PIGL: variants seen among roughly 807,000 people sequenced by gnomAD.
The protein encoded by PIGL is N-acetylglucosaminyl-phosphatidylinositol de-N-acetylase.
PIGL carries 22 observed loss-of-function variants against 31.1 expected under a neutral mutation model. The observed-to-expected ratio is 0.71, with a 90% CI of 0.51 to 1.01. The LOEUF (loss-of-function observed/expected upper bound fraction) is 1.01. Ranked by LOEUF, PIGL falls within the 50% of genes least tolerant of loss-of-function variation. The pLI is 0.00. For synonymous variants in PIGL, 131 were observed against 117.4 expected (o/e 1.12, Z -0.75); for missense variants, 302 against 315.9 (o/e 0.96, Z 0.33).
intron 2 of PIGL, among the ~76,000 whole-genome samples, chr17:16,258,219 G>A (rs1330639969): frequency 2.2e-5 from 3 of 134,694 alleles, no homozygotes; most frequent in East Asian, 4.3e-4. Context: ...TTGCTCTGTC[G>A]CCCAGGCTGG....
chr17:16,291,545 A>AT (rs1207108370), intron 2 of PIGL, among the ~76,000 whole-genome samples: 1 of 145,338 alleles, frequency 6.9e-6, no homozygotes, highest in African/African-American at 2.6e-5. Context: ...AATTATATGG[A>AT]TTTTTCAGGG....
chr17:16,275,939 A>G (rs1264483599), intron 2 of PIGL, among the ~76,000 whole-genome samples: 2 of 152,110 alleles, frequency 1.3e-5, no homozygotes, highest in African/African-American at 4.8e-5. Flanking sequence ...CAGGAGAATC[A>G]TTTGAACCCA....
rs772851926 is a variant in PIGL at position 16,317,924 on chromosome 17, T to G, written c.660+16T>G. 26 of 1,602,000 alleles carry G rather than the reference T, an allele frequency of 1.6e-5. No individual in the cohort carries two copies. The highest frequency in any genetic ancestry group is 2.0e-5 in the Non-Finnish European group (24 of 1,177,236). On this transcript the variant is annotated intron_variant, in intron 6 of 6. Coordinates refer to ENST00000225609, the MANE Select transcript of PIGL (RefSeq NM_004278.4). ...ACAGGCCAAGGTGAGGATTGTAAAT[T>G]CCTGGACACCCCAACTCAGATCCCT...
intron 2 of PIGL, among the ~76,000 whole-genome samples, chr17:16,276,695 C>T (rs2092897251): frequency 6.6e-6 from 1 of 152,244 alleles, no homozygotes; most frequent in African/African-American, 2.4e-5. Context: ...CACAATTGTG[C>T]CACTGCACTC....
chr17:16,312,803 C>G (rs992900093), intron 3 of PIGL: 4 of 157,038 alleles, frequency 2.5e-5, no homozygotes, highest in Admixed American at 6.5e-5. Context: ...CGCCTGCAAT[C>G]GCAGGCACTC....
intron 2 of PIGL, among the ~76,000 whole-genome samples, chr17:16,260,774 T>C (rs942510692): frequency 2.0e-5 from 3 of 152,124 alleles, no homozygotes; most frequent in African/African-American, 7.2e-5. Context: ...GTGTACTTCA[T>C]TCTTCCTGGA....
intron 2 of PIGL, among the ~76,000 whole-genome samples, chr17:16,283,549 C>T (rs974079675): frequency 2.6e-5 from 4 of 152,036 alleles, no homozygotes; most frequent in Non-Finnish European, 4.4e-5. Flanking sequence ...GGCCAGGTGC[C>T]GTGGCTCACA....
intron 5 of PIGL, chr17:16,316,962 T>C: frequency 3.1e-6 from 4 of 1,288,618 alleles, no homozygotes; most frequent in Non-Finnish European, 4.0e-6. Flanking sequence ...TCTAGCTTTT[T>C]CACAGGGTGG....
intron 2 of PIGL, among the ~76,000 whole-genome samples, chr17:16,238,195 CAAAAA>C (rs529480311): frequency 3.5e-5 from 2 of 57,554 alleles, no homozygotes; most frequent in African/African-American, 6.4e-5. Flanking sequence ...GACTCCGTCT[CAAAAA>C]AAAAAAAAAA....
rs373859557 is a variant in PIGL at position 16,325,916 on chromosome 17, A to C, written c.*18A>C. The C allele has an allele frequency of 7.0e-6, 11 of 1,564,700 alleles. No homozygotes were observed. The African/African-American group carries it at 1.4e-4, about 19-fold the overall frequency. On this transcript the variant is annotated 3_prime_UTR_variant, in exon 7 of 7. Coordinates refer to ENST00000225609, the MANE Select transcript of PIGL (RefSeq NM_004278.4). ...TCCTCTGAAGCCTTGAAGGGTTTTCAGATCCAAGGAACAAAGGGGAAAATA... is the reference window on the plus strand; with the variant it reads ...TCCTCTGAAGCCTTGAAGGGTTTTCCGATCCAAGGAACAAAGGGGAAAATA...
In PIGL at chr17:16,303,569, C is replaced by T. The variant is rs139403716; in HGVS notation, c.426+3591C>T. On this transcript the variant is annotated intron_variant, in intron 3 of 6. Coordinates refer to ENST00000225609, the MANE Select transcript of PIGL (RefSeq NM_004278.4). Reference sequence around the variant, plus strand: ...TTTTTTTTTTCCTGAAATGAAGTCTCGCTCTGTTGCCTAGGCTGGAGTGCA... The same window carrying T: ...TTTTTTTTTTCCTGAAATGAAGTCTTGCTCTGTTGCCTAGGCTGGAGTGCA... Among the ~76,000 whole-genome samples, 859 of 151,918 alleles carry T rather than the reference C, an allele frequency of 5.7e-3. 13 individuals carry two copies. Among genetic ancestry groups the T allele is most frequent in the African/African-American group, 0.019 (789 of 41,466 alleles).
At chr17:16,321,800 T>C (rs915994008) in intron 6 of PIGL, among the ~76,000 whole-genome samples, 2 of 151,988 alleles carry the variant, frequency 1.3e-5, no homozygotes, top group African/African-American at 4.8e-5. Flanking sequence ...TGGTTTTTTT[T>C]TGAGACGGAG....
At chr17:16,247,808 G>A (rs890097731) in intron 2 of PIGL, among the ~76,000 whole-genome samples, 2 of 152,090 alleles carry the variant, frequency 1.3e-5, no homozygotes, top group Non-Finnish European at 2.9e-5. Context: ...GATTACATGT[G>A]TGGTTCACAC....
chr17:16,316,515 G>A (rs1568844890), intron 4 of PIGL, among the ~76,000 whole-genome samples, 166 bp from the exon 5 acceptor site: 1 of 152,180 alleles, frequency 6.6e-6, no homozygotes, highest in East Asian at 1.9e-4. Flanking sequence ...GTTGCCAGAG[G>A]TATGGGATCC....
At chr17:16,321,550 A>C (rs1213621422) in intron 6 of PIGL, among the ~76,000 whole-genome samples, 1 of 151,618 alleles carries the variant, frequency 6.6e-6, no homozygotes, top group Non-Finnish European at 1.5e-5. Context: ...CATATTTTCT[A>C]AATTTTCTAC....
intron 2 of PIGL, among the ~76,000 whole-genome samples, chr17:16,262,949 G>A (rs2142752591): frequency 6.6e-6 from 1 of 152,246 alleles, no homozygotes; most frequent in South Asian, 2.1e-4. Flanking sequence ...TATGCTAAGT[G>A]AAATAAATTA....
At chr17:16,262,194 G>T (rs2092821988) in intron 2 of PIGL, among the ~76,000 whole-genome samples, 1 of 152,158 alleles carries the variant, frequency 6.6e-6, no homozygotes, top group African/African-American at 2.4e-5. Flanking sequence ...CTGCACTGCA[G>T]TCTGGGCAAC....
chr17:16,296,945 C>T (rs1461133794), intron 2 of PIGL, among the ~76,000 whole-genome samples: 2 of 152,052 alleles, frequency 1.3e-5, no homozygotes, highest in Non-Finnish European at 2.9e-5. Context: ...TGGTCTCAAT[C>T]TCCTGACCTC....
At chr17:16,252,810 GTCT>G (rs1273887144) in intron 2 of PIGL, among the ~76,000 whole-genome samples, 2 of 152,124 alleles carry the variant, frequency 1.3e-5, no homozygotes, top group African/African-American at 4.8e-5. Context: ...AAACACTGTA[GTCT>G]TCTCATGGGC....
Sources: gnomAD v4.1 joint callset for allele counts (sites outside exome capture counted in the v4.1 genomes callset) on GRCh38, gnomAD v4.1.1 for gene constraint, MANE v1.5 for transcripts, NCBI Gene and HGNC (gene_info 2026-07-23, HGNC 2026-07-21) for gene names.